RARS1: variants seen among roughly 807,000 people sequenced by gnomAD.
RARS1 encodes arginyl-tRNA synthetase 1, also known as arginine--tRNA ligase, cytoplasmic.
In RARS1, 75 loss-of-function variants were observed where a neutral mutation model predicts 78.7. That is an observed-to-expected ratio of 0.95 (90% CI 0.79 to 1.15). The LOEUF is 1.15. RARS1 is among the 50% of genes most tolerant of loss of function. The pLI is 0.00. For synonymous variants in RARS1, 273 were observed against 268.2 expected, an observed-to-expected ratio of 1.02 and a Z score of -0.18; for missense variants, 787 against 787.5, an observed-to-expected ratio of 1.00 and a Z score of 0.01.
In RARS1 at chr5:168,495,403, G is replaced by A. The variant is rs146632182; in HGVS notation, c.668G>A (p.Arg223His). 36 of 1,613,604 alleles carry A rather than the reference G, an allele frequency of 2.2e-5. No individual in the cohort carries two copies. The African/African-American group carries it at 2.7e-4, about 12-fold the overall frequency. Residue 223 changes from arginine to histidine, a missense_variant, in exon 6 of 15, where the codon CGC becomes CAC. Coordinates refer to ENST00000231572, the MANE Select transcript of RARS1 (RefSeq NM_002887.4). Reference protein sequence around the residue: ...RSTIIGESISRLFEFAGYDVL... With the variant: ...RSTIIGESISHLFEFAGYDVL... ...ACTATCATAGGAGAGAGTATAAGCC[G>A]CCTCTTTGAATTTGCAGGGTATGAC... is the stretch of plus-strand genomic sequence containing the variant.
At chr5:168,500,983 G>C (rs960305757) in intron 8 of RARS1, among the ~76,000 whole-genome samples, 3 of 152,010 alleles carry the variant, frequency 2.0e-5, no homozygotes, top group African/African-American at 7.3e-5. Flanking sequence ...ATTCACAGTA[G>C]CAACAAAACC....
chr5:168,492,851 A>G lies in RARS1; in HGVS notation c.369+4A>G. 1 of 1,588,266 alleles carries G rather than the reference A, an allele frequency of 6.3e-7. No homozygotes were observed. Among genetic ancestry groups the G allele is most frequent in the Non-Finnish European group, 8.6e-7 (1 of 1,158,142 alleles). On this transcript the variant is annotated splice_donor_region_variant and intron_variant, in intron 3 of 14. Coordinates refer to ENST00000231572, the MANE Select transcript of RARS1 (RefSeq NM_002887.4). ...TAGTGCTATGGGTATTTCTCAGGTG[A>G]TGTATTGTCATGACTCTTGGCTGTT...
intron 12 of RARS1, 149 bp downstream of exon 12, chr5:168,510,835 A>G: frequency 1.9e-6 from 1 of 529,352 alleles, no homozygotes; most frequent in Non-Finnish European, 3.3e-6. Flanking sequence ...CAGTAAGTTT[A>G]TTTTGTGAAT....
At chr5:168,494,733 G>C in intron 5 of RARS1, 83 bp downstream of exon 5, 1 of 1,002,998 alleles carries the variant, frequency 1.0e-6, no homozygotes, top group Non-Finnish European at 1.5e-6. Context: ...TATAGTCTCA[G>C]CTACTTGGGA....
intron 1 of RARS1, among the ~76,000 whole-genome samples, chr5:168,487,190 G>T (rs897079962): frequency 6.6e-6 from 1 of 151,144 alleles, no homozygotes; most frequent in African/African-American, 2.4e-5. Flanking sequence ...GTGAAACTCC[G>T]TCTCTACTGA....
intron 13 of RARS1, among the ~76,000 whole-genome samples, chr5:168,517,452 C>A (rs760296019): frequency 2.0e-5 from 3 of 152,108 alleles, no homozygotes. Context: ...CTAAAGTGTT[C>A]TTTTCAGACT....
Position 168,494,618 on chromosome 5 carries a change from G to A in RARS1, c.547G>A (p.Val183Ile), listed in dbSNP as rs1472639464. 1.9e-6 allele frequency: 3 copies of A among 1,606,252 alleles called. No homozygotes were observed. Among genetic ancestry groups the A allele is most frequent in the Non-Finnish European group, 2.6e-6 (3 of 1,173,078 alleles). The change falls in exon 5 of 15, where the codon GTT becomes ATT. Residue 183 changes from valine to isoleucine, a missense_variant. Physicochemically the swap from Val to Ile is conservative, Grantham distance 29. Transcript: ENST00000231572. ...ATTGACCAGTCTTCTAGTGAATGGA[G>A]TTCAACTACCTGCTCTGGGAGAGAA... Reference protein sequence around the residue: ...EQLTSLLVNGVQLPALGENKK... With the variant: ...EQLTSLLVNGIQLPALGENKK...
intron 3 of RARS1, among the ~76,000 whole-genome samples, 156 bp from the exon 4 acceptor site, chr5:168,493,738 T>A (rs1758130237): frequency 6.6e-6 from 1 of 152,174 alleles, no homozygotes; most frequent in African/African-American, 2.4e-5. Context: ...GCACTATTGA[T>A]ACTTTAATCT....
At chr5:168,502,377 TA>T (rs1561823267) in intron 9 of RARS1, among the ~76,000 whole-genome samples, 49 of 91,254 alleles carry the variant, frequency 5.4e-4, no homozygotes, top group African/African-American at 2.4e-3. Flanking sequence ...TATATATATA[TA>T]TATATATTTT....
In RARS1 at chr5:168,510,500, GTC is replaced by G. The variant is rs1491446973; in HGVS notation, c.1347-76_1347-75del. ...ACATATGTTGCAGTTTTGTGGTCAGGTCTCTCAAACCTTCATTTTCAAAGATT... is the reference window on the plus strand; with the variant it reads ...ACATATGTTGCAGTTTTGTGGTCAGGTCTCAAACCTTCATTTTCAAAGATT... On this transcript the variant is annotated intron_variant, in intron 11 of 14. Coordinates refer to ENST00000231572, the MANE Select transcript of RARS1 (RefSeq NM_002887.4). The G allele has an allele frequency of 7.8e-5, 79 of 1,017,902 alleles. 1 individual carries two copies. The East Asian group carries it at 1.4e-3, about 17-fold the overall frequency. The allele number at this position is 1,017,902 out of a possible 1,614,324, so 63.1% of individuals were successfully genotyped here. A position where few individuals can be genotyped will look rare whatever the true frequency, so the allele number is the denominator to read the frequency against.
chr5:168,492,622 C>T (rs752192213), intron 2 of RARS1, 37 bp from the exon 3 acceptor site: 42 of 1,483,172 alleles, frequency 2.8e-5, no homozygotes, highest in East Asian at 2.1e-4. Flanking sequence ...GATGGTTTTA[C>T]GTACATTATT....
intron 10 of RARS1, among the ~76,000 whole-genome samples, chr5:168,506,473 T>C (rs1758449503): frequency 6.6e-6 from 1 of 152,174 alleles, no homozygotes; most frequent in Non-Finnish European, 1.5e-5. Flanking sequence ...GTAATTGAAG[T>C]TTTTGCATGT....
Position 168,517,962 on chromosome 5 carries a change from C to CT in RARS1, c.1775dup (p.Leu592PhefsTer8), listed in dbSNP as rs779999419. ...AGATTCTGCAAAAGATTTTAGATGA[C>CT]TTATTTCTCCACACTCTCTGTGATT... On this transcript the variant is annotated frameshift_variant, in exon 14 of 15. Coordinates refer to ENST00000231572, the MANE Select transcript of RARS1 (RefSeq NM_002887.4). LOFTEE classifies it high-confidence loss of function. 6.2e-7 allele frequency: 1 copy of CT among 1,612,440 alleles called. No homozygotes were observed. Among genetic ancestry groups the CT allele is most frequent in the East Asian group, 2.2e-5 (1 of 44,700 alleles).
chr5:168,517,555 GC>G (rs1331861813), intron 13 of RARS1, among the ~76,000 whole-genome samples: 6 of 152,132 alleles, frequency 3.9e-5, no homozygotes, highest in African/African-American at 1.4e-4. Flanking sequence ...AACTGCACTT[GC>G]CGATACTCTT....
chr5:168,515,263 C>T (rs1187810949), intron 12 of RARS1, among the ~76,000 whole-genome samples: 1 of 152,104 alleles, frequency 6.6e-6, no homozygotes, highest in Non-Finnish European at 1.5e-5. Context: ...TGATTCTCTC[C>T]TAGCCCTTTC....
chr5:168,498,331 T>G (rs1423880799), intron 7 of RARS1, among the ~76,000 whole-genome samples: 1 of 152,184 alleles, frequency 6.6e-6, no homozygotes, highest in Admixed American at 6.5e-5. Context: ...TAAAATTTTT[T>G]GATGCTTAAT....
At chr5:168,503,851 A>G (rs1758378731) in intron 9 of RARS1, among the ~76,000 whole-genome samples, 1 of 151,994 alleles carries the variant, frequency 6.6e-6, no homozygotes, top group Admixed American at 6.6e-5. Flanking sequence ...CAGGAGGACC[A>G]CTTGAGGCCA....
intron 9 of RARS1, among the ~76,000 whole-genome samples, chr5:168,502,862 G>GT (rs1758360163): frequency 1.3e-5 from 2 of 151,926 alleles, no homozygotes; most frequent in Admixed American, 1.3e-4. Context: ...TTTTTTAACA[G>GT]TTTTTTCAAA....
rs76848592 is a variant in RARS1 at position 168,511,112 on chromosome 5, T to C, written c.1452+426T>C. Among the ~76,000 whole-genome samples the C allele has an allele frequency of 2.8e-3, 425 of 152,250 alleles. 19 individuals are homozygous for C. In the East Asian group the frequency reaches 0.062, roughly 22 times the overall value. On this transcript the variant is annotated intron_variant, in intron 12 of 14. Coordinates refer to ENST00000231572, the MANE Select transcript of RARS1 (RefSeq NM_002887.4). ...TGATGAACCTTCAGAGCAGGCAACA[T>C]GATGGCCTTTCATGGCACCCTTAGA...
Sources: gnomAD v4.1 joint callset for allele counts (sites outside exome capture counted in the v4.1 genomes callset) on GRCh38, gnomAD v4.1.1 for gene constraint, MANE v1.5 for transcripts, NCBI Gene and HGNC (gene_info 2026-07-23, HGNC 2026-07-21) for gene names.